Variants in MICAL3 observed in about 807,000 individuals in gnomAD.
The protein encoded by MICAL3 is microtubule associated monooxygenase, calponin and LIM domain containing 3.
MICAL3 carries 62 observed loss-of-function variants against 207.4 expected under a neutral mutation model. That is an observed-to-expected ratio of 0.30 (90% confidence interval 0.24 to 0.37). MICAL3 has a LOEUF of 0.37. Among genes scored for constraint, MICAL3 ranks in the 10% least tolerant of loss-of-function variants. The pLI is 1.00. For missense variants in MICAL3, 2,368 were observed against 2,635.6 expected (o/e 0.90, Z 2.22); for synonymous variants, 1,077 against 1,069.3 (o/e 1.01, Z -0.14).
chr22:18,007,618 C>A lies in MICAL3; in HGVS notation c.-75+16663G>T, dbSNP rs565236247. ...GTTTTGTTTTTGTTTTTGACTTAAACCAGTTTTGATCAGCTATCTACCACT... is the reference window on the plus strand; with the variant it reads ...GTTTTGTTTTTGTTTTTGACTTAAAACAGTTTTGATCAGCTATCTACCACT... On this transcript the variant is annotated intron_variant, in intron 1 of 31. Coordinates refer to ENST00000441493, the MANE Select transcript of MICAL3 (RefSeq NM_015241.3). Among the ~76,000 whole-genome samples the A allele has an allele frequency of 4.6e-5, 7 of 151,968 alleles. No homozygotes were observed. In the East Asian group the frequency reaches 1.4e-3, roughly 30 times the overall value.
chr22:17,843,627 A>AC (rs2146079694), intron 19 of MICAL3, among the ~76,000 whole-genome samples: 1 of 152,246 alleles, frequency 6.6e-6, no homozygotes, highest in East Asian at 1.9e-4. Flanking sequence ...TTGACCCTGC[A>AC]CCCCACACAC....
In MICAL3 at chr22:17,929,311, C is replaced by T. The variant is rs184435398; in HGVS notation, c.-74-22425G>A. 6.6e-3 allele frequency among the ~76,000 whole-genome samples: 969 copies of T among 146,660 alleles called. 9 individuals carry two copies. The highest frequency in any genetic ancestry group is 0.024 in the African/African-American group (939 of 39,616). ...AGAGGCAAAGTCTAGTTCTGTTGCA[C>T]AGGCTAATCTCAAACTCCTGGCTTC... is the stretch of plus-strand genomic sequence containing the variant. On this transcript the variant is annotated intron_variant, in intron 1 of 31. Coordinates refer to ENST00000441493, the MANE Select transcript of MICAL3 (RefSeq NM_015241.3).
Position 17,979,437 on chromosome 22 carries a change from C to T in MICAL3, c.-75+44844G>A, listed in dbSNP as rs145917945. Among the ~76,000 whole-genome samples the T allele has an allele frequency of 6.7e-3, 1,012 of 151,652 alleles. 5 individuals carry two copies. Among genetic ancestry groups the T allele is most frequent in the Middle Eastern group, 0.01 (3 of 286 alleles). On this transcript the variant is annotated intron_variant, in intron 1 of 31. Transcript: ENST00000441493. ...CTGGGCGCCTGTAATCCCAGCTACT[C>T]GGGAGTGTGAGGCAGGAGAATCACT...
At chr22:17,806,180 T>C (rs1187001035) in intron 29 of MICAL3, among the ~76,000 whole-genome samples, 4 of 152,218 alleles carry the variant, frequency 2.6e-5, no homozygotes, top group African/African-American at 7.2e-5. Context: ...AATGTGTTAG[T>C]GAAGAGGACA....
intron 19 of MICAL3, among the ~76,000 whole-genome samples, chr22:17,845,814 C>G (rs574189472): frequency 6.6e-6 from 1 of 152,332 alleles, no homozygotes; most frequent in South Asian, 2.1e-4. Context: ...TGTCTCCTCC[C>G]CACTGTAATT....
At position 17,817,193 on chromosome 22, in the gene MICAL3, G is replaced by A. The variant is rs1036902529; in HGVS notation, c.5350+118C>T. 3.0e-5 allele frequency: 38 copies of A among 1,276,594 alleles called. No individual in the cohort carries two copies. The East Asian group carries it at 8.4e-4, about 28-fold the overall frequency. The allele number at this position is 1,276,594 out of a possible 1,614,324, so 79.1% of individuals were successfully genotyped here. A position where few individuals can be genotyped will look rare whatever the true frequency, so the allele number is the denominator to read the frequency against. ...TTCAGTCCCTTCTCCAGGTCAGCAC[G>A]GCTCCTGAGAACCCTCGGCGGGGAG... On this transcript the variant is annotated intron_variant, in intron 26 of 31. Transcript: ENST00000441493.
At chr22:18,003,551 G>C (rs775030430) in intron 1 of MICAL3, among the ~76,000 whole-genome samples, 2 of 152,214 alleles carry the variant, frequency 1.3e-5, no homozygotes, top group East Asian at 3.9e-4. Context: ...ATGGCCAATT[G>C]TGCTTTCATC....
intron 7 of MICAL3, among the ~76,000 whole-genome samples, chr22:17,899,107 G>A (rs1347267350): frequency 6.6e-6 from 1 of 152,208 alleles, no homozygotes; most frequent in Non-Finnish European, 1.5e-5. Context: ...ATTTATGCAT[G>A]AAATGCTGTC....
chr22:17,821,643 G>A, intron 24 of MICAL3, 134 bp from the exon 25 acceptor site: 1 of 730,876 alleles, frequency 1.4e-6, no homozygotes, highest in South Asian at 1.7e-5. Flanking sequence ...AGTTCTCCTG[G>A]AAAGCACAGG....
At chr22:17,863,067 A>T (rs1926688538) in intron 19 of MICAL3, 1 of 985,266 alleles carries the variant, frequency 1.0e-6, no homozygotes. Flanking sequence ...TATGTAGAAC[A>T]TTCTTCCTCT....
In MICAL3 at chr22:17,817,660, G is replaced by A. The variant is rs778546366; in HGVS notation, c.5001C>T (p.Ala1667=). The change falls in exon 26 of 32, where the codon GCC becomes GCT. Residue 1667 remains alanine, a synonymous_variant. Transcript: ENST00000441493. ...GSEEPTLKHE[A]TSEEVLSPPS... is the part of the protein sequence containing the mutation. ...GCGGGGAGAGGACCTCCTCGCTGGT[G>A]GCTTCATGCTTCAGGGTGGGCTCCT... The A allele has an allele frequency of 6.2e-7, 1 of 1,612,022 alleles. No homozygotes were observed. The highest frequency in any genetic ancestry group is 1.1e-5 in the South Asian group (1 of 91,074).
At chr22:17,929,599 GCT>G (rs1933139182) in intron 1 of MICAL3, among the ~76,000 whole-genome samples, 1 of 97,918 alleles carries the variant, frequency 1.0e-5, no homozygotes, top group South Asian at 3.1e-4. Flanking sequence ...ACAGGGTCTT[GCT>G]CTGTTGCCCA....
intron 1 of MICAL3, among the ~76,000 whole-genome samples, chr22:17,923,662 C>T (rs539186728): frequency 6.6e-6 from 1 of 152,358 alleles, no homozygotes; most frequent in East Asian, 1.9e-4. Context: ...CACAGGACTA[C>T]TGTTCATTGG....
At chr22:17,860,286 A>T (rs1926374560) in intron 19 of MICAL3, 2 of 985,380 alleles carry the variant, frequency 2.0e-6, no homozygotes, top group Non-Finnish European at 2.4e-6. Context: ...AAAAACTCAC[A>T]AAGAAACACA....
chr22:17,796,682 G>A lies in MICAL3; in HGVS notation c.5651-5381C>T, dbSNP rs1799553613. Among the ~76,000 whole-genome samples, 1 of 152,242 alleles carries A rather than the reference G, an allele frequency of 6.6e-6. No individual in the cohort carries two copies. Among genetic ancestry groups the A allele is most frequent in the African/African-American group, 2.4e-5 (1 of 41,458 alleles). On this transcript the variant is annotated intron_variant, in intron 29 of 31. Coordinates refer to ENST00000441493, the MANE Select transcript of MICAL3 (RefSeq NM_015241.3). The surrounding 1 kb of genome is among the most constrained non-coding windows in gnomAD (Gnocchi z 4.4). ...ATCAGAATGTCACACCTGGAAGGGA[G>A]GCCCGATGTCCCTTCCTGCCTCGTC...
At chr22:17,965,562 G>GT (rs1935109311) in intron 1 of MICAL3, among the ~76,000 whole-genome samples, 1 of 152,188 alleles carries the variant, frequency 6.6e-6, no homozygotes, top group Middle Eastern at 3.2e-3. Context: ...CTGATATACT[G>GT]ATTGTCACTG....
At chr22:17,873,850 T>C (rs774618484) in intron 16 of MICAL3, among the ~76,000 whole-genome samples, 2 of 152,232 alleles carry the variant, frequency 1.3e-5, no homozygotes, top group African/African-American at 2.4e-5. Context: ...CACCCTTCCA[T>C]GTGGAGATGG....
intron 18 of MICAL3, 147 bp downstream of exon 18, chr22:17,865,777 C>A: frequency 1.5e-6 from 1 of 678,536 alleles, no homozygotes; most frequent in East Asian, 2.7e-5. Context: ...CCCTCTCCAC[C>A]CCGGACTGCC....
intron 16 of MICAL3, chr22:17,881,248 G>A (rs774369417): frequency 3.5e-5 from 57 of 1,612,236 alleles, no homozygotes; most frequent in African/African-American, 1.9e-4. Context: ...AGTAGGGGGA[G>A]GAGACAGGGT....
Sources: allele counts gnomAD v4.1 joint callset (sites outside exome capture counted in the v4.1 genomes callset), GRCh38; gene constraint gnomAD v4.1.1; non-coding constraint Gnocchi (gnomAD v3.1); transcripts MANE v1.5; gene names NCBI Gene and HGNC (gene_info 2026-07-23, HGNC 2026-07-21).